Variants in PLEKHS1 observed in about 807,000 individuals in gnomAD.
PLEKHS1 encodes the protein pleckstrin homology domain containing S1.
PLEKHS1 carries 55 observed loss-of-function variants against 51.0 expected under a neutral mutation model. The ratio of observed to expected loss-of-function variants is 1.08; its 90% CI spans 0.87 to 1.35. The LOEUF is 1.35. Among genes scored for constraint, PLEKHS1 ranks in the 40% most tolerant of loss-of-function variants. PLEKHS1 has a pLI of 0.00. For missense variants in PLEKHS1, 398 were observed against 423.0 expected (o/e 0.94, Z 0.52); for synonymous variants, 153 against 144.8 (o/e 1.06, Z -0.41).
In PLEKHS1 at chr10:113,771,967, CA is replaced by C; in HGVS notation, c.553-2del. 2 of 1,603,372 alleles carry C rather than the reference CA, an allele frequency of 1.2e-6. No individual in the cohort carries two copies. Among genetic ancestry groups the C allele is most frequent in the Non-Finnish European group, 1.7e-6 (2 of 1,177,480 alleles). On this transcript the variant is annotated splice_acceptor_variant, in intron 7 of 11. Coordinates refer to ENST00000361048, the Ensembl canonical transcript of PLEKHS1. LOFTEE classifies it high-confidence loss of function. ...GCAAAGCATTTTTATCTCTTTTCTT[CA>C]GCATTTAATGGAACAAAGTTCTCCA...
intron 2 of PLEKHS1, 51 bp downstream of exon 2, chr10:113,755,356 C>T (rs1377954164): frequency 1.9e-6 from 3 of 1,585,588 alleles, no homozygotes; most frequent in African/African-American, 1.4e-5. Flanking sequence ...TTGAAAATGC[C>T]CCACGGTTTC....
chr10:113,780,937 T>C (rs1844848391), exon 12 of PLEKHS1: 2 of 701,048 alleles, frequency 2.9e-6, no homozygotes, highest in African/African-American at 1.8e-5. Context: ...TCTCTGGTTA[T>C]TGTATCAGAG....
In PLEKHS1 at chr10:113,754,634, C is replaced by T. The variant is rs1286902762; in HGVS notation, c.-19-625C>T. 5.3e-5 allele frequency among the ~76,000 whole-genome samples: 8 copies of T among 152,094 alleles called. 1 individual carries two copies. Among genetic ancestry groups the T allele is most frequent in the African/African-American group, 1.9e-4 (8 of 41,420 alleles). On this transcript the variant is annotated intron_variant, in intron 1 of 11. Transcript: ENST00000361048. ...GGCGAGCACTAGGATTACAGGTGCCCACCACCACACCCGGCTAATTTTTGT... is the reference window on the plus strand; with the variant it reads ...GGCGAGCACTAGGATTACAGGTGCCTACCACCACACCCGGCTAATTTTTGT...
intron 2 of PLEKHS1, among the ~76,000 whole-genome samples, chr10:113,764,352 G>A (rs1389508653): frequency 6.6e-6 from 1 of 152,104 alleles, no homozygotes; most frequent in Non-Finnish European, 1.5e-5. Context: ...CACCACCTCA[G>A]CCTCCCAAAG....
chr10:113,766,262 C>G (rs1272748788), intron 2 of PLEKHS1, 149 bp from the exon 3 acceptor site: 1 of 590,058 alleles, frequency 1.7e-6, no homozygotes, highest in Non-Finnish European at 3.0e-6. Flanking sequence ...ACATTTGGTC[C>G]TTTGTTTTCT....
At chr10:113,756,226 G>A (rs1409045378) in intron 2 of PLEKHS1, among the ~76,000 whole-genome samples, 3 of 152,188 alleles carry the variant, frequency 2.0e-5, no homozygotes, top group Admixed American at 6.5e-5. Context: ...TTGTTGGTGG[G>A]AGGCTGAGGC....
rs553130588 is a variant in PLEKHS1 at position 113,765,648 on chromosome 10, T to G, written c.29-763T>G. On this transcript the variant is annotated intron_variant, in intron 2 of 11. Coordinates refer to ENST00000361048, the Ensembl canonical transcript of PLEKHS1. ...TGAAATTATAGGCAGTTTTAATATT[T>G]TCTATATTTTCTAAAATGTCTACAA... 2.2e-4 allele frequency among the ~76,000 whole-genome samples: 33 copies of G among 152,364 alleles called. No individual in the cohort carries two copies. The South Asian group carries it at 6.6e-3, about 31-fold the overall frequency.
intron 1 of PLEKHS1, among the ~76,000 whole-genome samples, chr10:113,753,573 A>G (rs1853953709): frequency 6.6e-6 from 1 of 152,142 alleles, no homozygotes; most frequent in Non-Finnish European, 1.5e-5. Context: ...ATGCCTTCAG[A>G]TGCCCGAGAA....
rs139556061 is a variant in PLEKHS1 at position 113,766,681 on chromosome 10, A to G, written c.187A>G (p.Lys63Glu). The change falls in exon 4 of 12, where the codon AAA becomes GAA. Residue 63 changes from lysine (K) to glutamate (E), a missense_variant. Transcript: ENST00000361048. ...AAAGAGCTTTAGTCTTTCCTATTATAAAGACCATCATCACCGAGGTTCCAT... is the reference window on the plus strand; with the variant it reads ...AAAGAGCTTTAGTCTTTCCTATTATGAAGACCATCATCACCGAGGTTCCAT... 1.1e-5 allele frequency: 18 copies of G among 1,612,160 alleles called. No homozygotes were observed. In the African/African-American group the frequency reaches 1.7e-4, roughly 16 times the overall value.
downstream of PLEKHS1, chr10:113,782,573 G>A (rs1232656497): frequency 6.6e-6 from 1 of 152,140 alleles, no homozygotes; most frequent in Non-Finnish European, 1.5e-5. Flanking sequence ...TCATCCCCTT[G>A]GCGCTGTTCT....
intron 8 of PLEKHS1, among the ~76,000 whole-genome samples, chr10:113,773,444 A>ATAAATAAG (rs1461103367): frequency 6.6e-6 from 1 of 152,084 alleles, no homozygotes; most frequent in African/African-American, 2.4e-5. Flanking sequence ...AAATAAATAA[A>ATAAATAAG]TAAGTAAAAA....
intron 1 of PLEKHS1, among the ~76,000 whole-genome samples, chr10:113,753,720 A>T (rs1853960147): frequency 6.6e-6 from 1 of 152,172 alleles, no homozygotes; most frequent in Non-Finnish European, 1.5e-5. Flanking sequence ...AGAGCTTCCA[A>T]ATGCTCTGAC....
At chr10:113,762,324 T>C (rs1034617212) in intron 2 of PLEKHS1, among the ~76,000 whole-genome samples, 3 of 151,068 alleles carry the variant, frequency 2.0e-5, no homozygotes, top group Non-Finnish European at 3.0e-5. Flanking sequence ...TCCACTTTTA[T>C]CTTTATTATC....
chr10:113,768,961 GC>G, intron 6 of PLEKHS1, 71 bp downstream of exon 6: 2 of 1,166,722 alleles, frequency 1.7e-6, no homozygotes, highest in Non-Finnish European at 2.4e-6. Context: ...AACAATGGTA[GC>G]TTTCCTTTGC....
chr10:113,753,291 T>G (rs1374079927), intron 1 of PLEKHS1, among the ~76,000 whole-genome samples: 1 of 152,154 alleles, frequency 6.6e-6, no homozygotes, highest in Admixed American at 6.5e-5. Context: ...CCCCAGCTCT[T>G]CAGGCAGTGA....
In PLEKHS1 at chr10:113,775,094, C is replaced by T. The variant is rs567103303; in HGVS notation, c.989+59C>T. On this transcript the variant is annotated intron_variant, in intron 10 of 11. Coordinates refer to ENST00000361048, the Ensembl canonical transcript of PLEKHS1. ...TAAGAGCAAGGCAGCCTCCCTCCCACTTTTTTTTTTAACTTAGAATTTAAA... is the reference window on the plus strand; with the variant it reads ...TAAGAGCAAGGCAGCCTCCCTCCCATTTTTTTTTTTAACTTAGAATTTAAA... The T allele has an allele frequency of 9.9e-6, 12 of 1,218,072 alleles. No individual in the cohort carries two copies. The South Asian group carries it at 1.3e-4, about 13-fold the overall frequency. The allele number at this position is 1,218,072 out of a possible 1,614,324, so 75.5% of individuals were successfully genotyped here. A position where few individuals can be genotyped will look rare whatever the true frequency, so the allele number is the denominator to read the frequency against.
chr10:113,774,274 T>G (rs1366493705), exon 9 of PLEKHS1: 13 of 1,602,704 alleles, frequency 8.1e-6, no homozygotes. Context: ...CCATTGAAAC[T>G]GATGGTCCAG....
chr10:113,767,947 C>A (rs1012968583), intron 5 of PLEKHS1, among the ~76,000 whole-genome samples: 3 of 152,170 alleles, frequency 2.0e-5, no homozygotes, highest in African/African-American at 7.2e-5. Context: ...TTGGAGCCCT[C>A]TCTATTCCAG....
chr10:113,770,733 G>A (rs1385439019), intron 7 of PLEKHS1, among the ~76,000 whole-genome samples: 1 of 152,064 alleles, frequency 6.6e-6, no homozygotes, highest in Non-Finnish European at 1.5e-5. Context: ...CAGCAGTTAG[G>A]AAGCTTCACC....
Sources: allele counts gnomAD v4.1 joint callset (sites outside exome capture counted in the v4.1 genomes callset), GRCh38; gene constraint gnomAD v4.1.1; transcripts MANE v1.5; gene names NCBI Gene and HGNC (gene_info 2026-07-23, HGNC 2026-07-21).